The following PTPRM variants were observed in gnomAD, a reference collection of about 807,000 sequenced individuals.
PTPRM encodes the protein receptor-type tyrosine-protein phosphatase mu.
PTPRM carries 47 observed loss-of-function variants against 186.7 expected under a neutral mutation model. The observed-to-expected ratio is 0.25, with a 90% confidence interval of 0.20 to 0.32. The LOEUF is 0.32. Among genes scored for constraint, PTPRM ranks in the 10% least tolerant of loss-of-function variants. The pLI is 1.00. For missense variants in PTPRM, 1,494 were observed against 1,865.0 expected (o/e 0.80, Z 3.66); for synonymous variants, 668 against 674.9 (o/e 0.99, Z 0.16).
intron 14 of PTPRM, among the ~76,000 whole-genome samples, chr18:8,197,713 C>G (rs7228354): frequency 6.6e-6 from 1 of 152,188 alleles, no homozygotes; most frequent in South Asian, 2.1e-4. Context: ...CTCTTTCACA[C>G]CACACACAAA....
intron 1 of PTPRM, among the ~76,000 whole-genome samples, chr18:7,683,957 C>G (rs76760254): frequency 6.6e-6 from 1 of 152,072 alleles, no homozygotes; most frequent in Non-Finnish European, 1.5e-5. Context: ...GGGGGTTGCT[C>G]GCAGCTTTTC....
intron 14 of PTPRM, among the ~76,000 whole-genome samples, chr18:8,211,934 G>A (rs1236395506): frequency 6.6e-6 from 1 of 152,150 alleles, no homozygotes; most frequent in Admixed American, 6.5e-5. Context: ...CCAGCCAGAG[G>A]GGAGTGGACT....
chr18:8,386,351 G>A (rs933067014), intron 30 of PTPRM, among the ~76,000 whole-genome samples: 12 of 152,150 alleles, frequency 7.9e-5, no homozygotes, highest in Non-Finnish European at 1.5e-4. Context: ...GCTTCTGTCA[G>A]CAAGAGGTCT....
At chr18:8,260,415 C>A (rs1380017257) in intron 19 of PTPRM, among the ~76,000 whole-genome samples, 1 of 152,144 alleles carries the variant, frequency 6.6e-6, no homozygotes, top group Non-Finnish European at 1.5e-5. Context: ...CCTCCCACCT[C>A]AGCCCCACAA....
intron 1 of PTPRM, among the ~76,000 whole-genome samples, chr18:7,672,049 C>T (rs1460339204): frequency 6.6e-6 from 1 of 152,128 alleles, no homozygotes; most frequent in African/African-American, 2.4e-5. Context: ...TCTGTGGCAT[C>T]GATAGGAATC....
chr18:8,363,233 T>C (rs573218308), intron 23 of PTPRM, among the ~76,000 whole-genome samples: 1 of 152,302 alleles, frequency 6.6e-6, no homozygotes, highest in African/African-American at 2.4e-5. Context: ...ATAAGGATAA[T>C]AGTACTTACC....
At chr18:7,652,910 A>G (rs1237794691) in intron 1 of PTPRM, among the ~76,000 whole-genome samples, 1 of 152,060 alleles carries the variant, frequency 6.6e-6, no homozygotes, top group Non-Finnish European at 1.5e-5. Context: ...TACTACTACT[A>G]CTACTACTAA....
chr18:8,394,339 C>T, intron 31 of PTPRM, 137 bp from the exon 32 acceptor site: 2 of 919,288 alleles, frequency 2.2e-6, no homozygotes, highest in Non-Finnish European at 3.1e-6. Context: ...AGAATCTGCC[C>T]AGGTAAGAGG....
At chr18:7,766,244 A>C (rs1223767268) in intron 1 of PTPRM, among the ~76,000 whole-genome samples, 1 of 151,358 alleles carries the variant, frequency 6.6e-6, no homozygotes, top group Admixed American at 6.5e-5. Flanking sequence ...AAAAATAAGA[A>C]TGTACCGATC....
Position 7,609,330 on chromosome 18 carries a change from G to A in PTPRM, c.73+41439G>A, listed in dbSNP as rs148292928. Reference sequence around the variant, plus strand: ...AGTTCCCAGCTCACTACCCAGCTATGACCTGCATAGGGGGACAGCAGCATA... The same window carrying A: ...AGTTCCCAGCTCACTACCCAGCTATAACCTGCATAGGGGGACAGCAGCATA... On this transcript the variant is annotated intron_variant, in intron 1 of 32. Coordinates refer to ENST00000580170, the MANE Select transcript of PTPRM (RefSeq NM_001105244.2). Among the ~76,000 whole-genome samples the A allele has an allele frequency of 3.3e-3, 498 of 152,220 alleles. 2 individuals are homozygous for A. Among genetic ancestry groups the A allele is most frequent in the Middle Eastern group, 0.014 (4 of 294 alleles).
intron 5 of PTPRM, among the ~76,000 whole-genome samples, chr18:7,930,039 TG>T (rs1289000871): frequency 1.3e-5 from 2 of 152,164 alleles, no homozygotes; most frequent in African/African-American, 2.4e-5. Flanking sequence ...CATCTTTGTT[TG>T]GGGGTACATT....
intron 32 of PTPRM, among the ~76,000 whole-genome samples, chr18:8,398,358 A>G (rs1409704744): frequency 2.0e-5 from 3 of 152,152 alleles, no homozygotes; most frequent in South Asian, 2.1e-4. Context: ...ATCACTGGGC[A>G]TTGATGCAAG....
chr18:8,118,079 T>C (rs1175180986), intron 13 of PTPRM, among the ~76,000 whole-genome samples: 2 of 152,176 alleles, frequency 1.3e-5, no homozygotes, highest in Non-Finnish European at 2.9e-5. Context: ...TCTAAACTTG[T>C]AGGGTACACT....
In PTPRM at chr18:8,327,772, A is replaced by C. The variant is rs2095386883; in HGVS notation, c.2956+8558A>C. On this transcript the variant is annotated intron_variant, in intron 22 of 32. Coordinates refer to ENST00000580170, the MANE Select transcript of PTPRM (RefSeq NM_001105244.2). ...ACACTTTCTTTACATATGTCAGTAA[A>C]TCAAATCCTGTATTTAGAGACAGTC... Among the ~76,000 whole-genome samples the C allele has an allele frequency of 2.0e-5, 3 of 152,158 alleles. No individual in the cohort carries two copies. The South Asian group carries it at 6.2e-4, about 32-fold the overall frequency.
At chr18:7,685,178 C>T (rs1427807837) in intron 1 of PTPRM, among the ~76,000 whole-genome samples, 3 of 152,164 alleles carry the variant, frequency 2.0e-5, no homozygotes, top group Non-Finnish European at 4.4e-5. Context: ...AAATTCCACC[C>T]ACCACCAGGG....
intron 1 of PTPRM, among the ~76,000 whole-genome samples, chr18:7,679,173 T>C (rs1157604903): frequency 1.3e-5 from 2 of 152,230 alleles, no homozygotes; most frequent in African/African-American, 4.8e-5. Flanking sequence ...AACTCCAAGA[T>C]ATGTAGCATT....
intron 14 of PTPRM, among the ~76,000 whole-genome samples, chr18:8,177,354 G>A (rs2093500664): frequency 1.3e-5 from 2 of 152,198 alleles, no homozygotes; most frequent in South Asian, 2.1e-4. Flanking sequence ...GAGTTTAATT[G>A]AGCAAAGAAT....
chr18:8,078,447 T>C (rs1049326313), intron 9 of PTPRM, among the ~76,000 whole-genome samples: 9 of 152,194 alleles, frequency 5.9e-5, no homozygotes, highest in African/African-American at 1.9e-4. Context: ...GCAACATTGT[T>C]TTCTGTCATG....
chr18:7,765,749 C>A (rs1172849284), intron 1 of PTPRM, among the ~76,000 whole-genome samples: 1 of 152,112 alleles, frequency 6.6e-6, no homozygotes, highest in Non-Finnish European at 1.5e-5. Flanking sequence ...TTTTGATCTG[C>A]CTTCTCTATT....
Sources: allele counts gnomAD v4.1 joint callset (sites outside exome capture counted in the v4.1 genomes callset), GRCh38; gene constraint gnomAD v4.1.1; transcripts MANE v1.5; gene names NCBI Gene and HGNC (gene_info 2026-07-23, HGNC 2026-07-21).